GRIK4: variants seen among roughly 807,000 people sequenced by gnomAD.
GRIK4 encodes glutamate receptor ionotropic, kainate 4.
A neutral mutation model predicts 104.9 loss-of-function variants in GRIK4; 40 were observed. That is an observed-to-expected ratio of 0.38 (90% CI 0.30 to 0.50). GRIK4 has a LOEUF of 0.50. Ranked by LOEUF, GRIK4 falls within the 20% of genes least tolerant of loss-of-function variation. GRIK4 has a pLI of 0.93. For missense variants in GRIK4, 1,047 were observed against 1,308.1 expected (o/e 0.80, Z 3.08); for synonymous variants, 485 against 524.9 (o/e 0.92, Z 1.04).
intron 6 of GRIK4, among the ~76,000 whole-genome samples, 162 bp downstream of exon 6, chr11:120,820,082 CGTGTGTGTGTGTGTGTGT>C (rs35140379): frequency 2.8e-5 from 4 of 144,834 alleles, no homozygotes; most frequent in Non-Finnish European, 4.6e-5. Context: ...CTCATGTGTC[CGTGTGTGTGTGTGTGTGT>C]GTGTGTGTGT....
chr11:120,564,451 A>G (rs1406479504), intron 1 of GRIK4: 1 of 152,094 alleles, frequency 6.6e-6, no homozygotes, highest in African/African-American at 2.4e-5. Flanking sequence ...CGATTCCCCG[A>G]CGTTTCGGGA....
At chr11:120,815,699 G>T (rs773001544) in intron 5 of GRIK4, among the ~76,000 whole-genome samples, 1 of 152,158 alleles carries the variant, frequency 6.6e-6, no homozygotes, top group Admixed American at 6.5e-5. Flanking sequence ...AATCTGAAGC[G>T]GAGCTCCTCC....
chr11:120,757,040 A>G (rs1270455361), intron 3 of GRIK4, among the ~76,000 whole-genome samples: 4 of 152,306 alleles, frequency 2.6e-5, no homozygotes, highest in African/African-American at 9.6e-5. Flanking sequence ...ATGGCCCGTG[A>G]GTGTCTTTTC....
At chr11:120,816,270 C>T (rs1018354588) in intron 5 of GRIK4, among the ~76,000 whole-genome samples, 1 of 152,164 alleles carries the variant, frequency 6.6e-6, no homozygotes, top group African/African-American at 2.4e-5. Context: ...ATCCATCAAT[C>T]CTTCCCCTTC....
intron 14 of GRIK4, among the ~76,000 whole-genome samples, chr11:120,944,866 T>C (rs1461787594): frequency 6.6e-6 from 1 of 152,162 alleles, no homozygotes; most frequent in Non-Finnish European, 1.5e-5. Flanking sequence ...TCGTGCAAAA[T>C]TAAATGAGAA....
chr11:120,614,138 G>T (rs1949074326), intron 1 of GRIK4, among the ~76,000 whole-genome samples: 1 of 152,192 alleles, frequency 6.6e-6, no homozygotes, highest in East Asian at 1.9e-4. Flanking sequence ...GCAGTGCCTG[G>T]CCTGCCCCCC....
In GRIK4 at chr11:120,952,883, T is replaced by G. The variant is rs1294394283; in HGVS notation, c.1619T>G (p.Leu540Arg). 6.2e-7 allele frequency: 1 copy of G among 1,613,746 alleles called. No homozygotes were observed. The part of the protein sequence containing the change: ...MGRKPGYFSF[L>R]DPFSPGVWLF... ...CGCAAACCCGGCTATTTCTCCTTCC[T>G]GGACCCATTTTCTCCGGGCGTCTGG... The change falls in exon 15 of 21, where the codon CTG (leucine) becomes CGG (arginine). Residue 540 changes from leucine to arginine, a missense_variant. Around this residue, in one of 3 missense-constraint regions of GRIK4, gnomAD observed 440 missense variants for 652.3 expected, o/e 0.67. Transcript: ENST00000527524. This position sits in a 1 kb window ranked among gnomAD's most constrained non-coding sequence, Gnocchi z 5.2.
intron 1 of GRIK4, among the ~76,000 whole-genome samples, chr11:120,559,718 A>C (rs959771477): frequency 1.1e-4 from 16 of 152,222 alleles, no homozygotes; most frequent in Non-Finnish European, 1.3e-4. Flanking sequence ...CCACACACCA[A>C]GTGGCCCAAG....
intron 3 of GRIK4, among the ~76,000 whole-genome samples, chr11:120,669,221 CA>C (rs1949973133): frequency 6.6e-6 from 1 of 152,178 alleles, no homozygotes; most frequent in Non-Finnish European, 1.5e-5. Flanking sequence ...CATTTCTGTG[CA>C]GCATTTTTTG....
intron 1 of GRIK4, among the ~76,000 whole-genome samples, chr11:120,621,940 G>C (rs140997382): frequency 1.3e-5 from 2 of 151,732 alleles, no homozygotes; most frequent in African/African-American, 4.9e-5. Context: ...TCACTCTGTC[G>C]CCCAAGCTGG....
intron 1 of GRIK4, among the ~76,000 whole-genome samples, chr11:120,645,166 TTGTG>T (rs1468119523): frequency 6.6e-5 from 10 of 151,866 alleles, no homozygotes; most frequent in African/African-American, 2.2e-4. Context: ...TGTATGGTGG[TTGTG>T]TGTGTCTGTC....
At chr11:120,545,740 G>T (rs1463060100) in intron 1 of GRIK4, among the ~76,000 whole-genome samples, 1 of 152,180 alleles carries the variant, frequency 6.6e-6, no homozygotes, top group African/African-American at 2.4e-5. Flanking sequence ...CACCTGCCCT[G>T]GAATCCAGAA....
At chr11:120,818,697 C>T (rs556335628) in intron 5 of GRIK4, among the ~76,000 whole-genome samples, 22 of 152,196 alleles carry the variant, frequency 1.4e-4, no homozygotes, top group Admixed American at 2.6e-4. Context: ...CCAACATCTT[C>T]GCAGACTCTT....
chr11:120,924,054 T>G (rs148014253), intron 13 of GRIK4, among the ~76,000 whole-genome samples: 8 of 152,322 alleles, frequency 5.3e-5, no homozygotes, highest in African/African-American at 1.9e-4. Context: ...CCCCCTGGGC[T>G]TTGCCTGGTG....
At chr11:120,726,445 G>C (rs1951028860) in intron 3 of GRIK4, among the ~76,000 whole-genome samples, 1 of 152,214 alleles carries the variant, frequency 6.6e-6, no homozygotes, top group African/African-American at 2.4e-5. Flanking sequence ...GGTAAAAGCA[G>C]TGTTGATGGT....
chr11:120,835,534 A>AAAACAAACAAAC (rs112203129), intron 7 of GRIK4, among the ~76,000 whole-genome samples: 4 of 151,372 alleles, frequency 2.6e-5, no homozygotes, highest in Admixed American at 6.6e-5. Flanking sequence ...ACTCAAAGAA[A>AAAACAAACAAAC]AAACAAACAA....
rs187825708 is a variant in GRIK4 at position 120,654,457 on chromosome 11, G to A, written c.-51+665G>A. Among the ~76,000 whole-genome samples the A allele has an allele frequency of 1.4e-4, 22 of 152,222 alleles. No homozygotes were observed. In the East Asian group the frequency reaches 2.9e-3, roughly 20 times the overall value. On this transcript the variant is annotated intron_variant, in intron 2 of 20. Coordinates refer to ENST00000527524, the MANE Select transcript of GRIK4 (RefSeq NM_014619.5). ...CTGCCCACTGCGACCTCTGTCTGCC[G>A]GTTCAAGTGATTCTCCTGCCTCAGC...
At chr11:120,528,046 C>T (rs1275857435) in intron 1 of GRIK4, among the ~76,000 whole-genome samples, 4 of 152,236 alleles carry the variant, frequency 2.6e-5, no homozygotes, top group African/African-American at 9.6e-5. Flanking sequence ...TCACTGCAGC[C>T]TCGATCTCCC....
At chr11:120,848,825 G>A (rs920011775) in intron 8 of GRIK4, among the ~76,000 whole-genome samples, 4 of 152,130 alleles carry the variant, frequency 2.6e-5, no homozygotes, top group Non-Finnish European at 5.9e-5. Context: ...GGGCCTTTCA[G>A]TGAGATCTGG....
Sources: allele counts gnomAD v4.1 joint callset (sites outside exome capture counted in the v4.1 genomes callset), GRCh38; gene constraint gnomAD v4.1.1; regional missense constraint gnomAD v4.1.1; non-coding constraint Gnocchi (gnomAD v3.1); transcripts MANE v1.5; gene names NCBI Gene and HGNC (gene_info 2026-07-23, HGNC 2026-07-21).